The following TMIE variants were observed in gnomAD, a reference collection of about 807,000 sequenced individuals.
The protein encoded by TMIE is transmembrane inner ear expressed protein.
A neutral mutation model predicts 16.8 loss-of-function variants in TMIE; 14 were observed. The observed-to-expected ratio is 0.83, with a 90% CI of 0.55 to 1.30. The LOEUF (loss-of-function observed/expected upper bound fraction) is 1.30, where lower values mean the gene tolerates loss of function less well. Among genes scored for constraint, TMIE ranks in the 50% most tolerant of loss-of-function variants. TMIE has a pLI of 0.00. For synonymous variants in TMIE, 75 were observed against 87.2 expected, an observed-to-expected ratio of 0.86 and a Z score of 0.78; for missense variants, 204 against 205.9, an observed-to-expected ratio of 0.99 and a Z score of 0.06.
At position 46,709,592 on chromosome 3, in the gene TMIE, GA is replaced by G; in HGVS notation, c.377del (p.Lys126ArgfsTer16). 6.5e-7 allele frequency: 1 copy of G among 1,532,766 alleles called. No individual in the cohort carries two copies. The highest frequency in any genetic ancestry group is 8.9e-7 in the Non-Finnish European group (1 of 1,129,758). 94.9% of individuals were successfully genotyped at this position (1,532,766 alleles called of 1,614,324 possible). On this transcript the variant is annotated frameshift_variant, in exon 4 of 4. Coordinates refer to ENST00000643606, the MANE Select transcript of TMIE (RefSeq NM_147196.3). LOFTEE classifies it high-confidence loss of function. ...CCTGCCCCACAGAGGATAAGAAGAA[GA>G]AGAAGAAGAAGAAGAAGGACAGTGT... ...TEVPGEDKKK[K>X]KKKKKDSVDT...
chr3:46,695,619 C>G (rs1403554797), intron 1 of TMIE, among the ~76,000 whole-genome samples: 1 of 152,142 alleles, frequency 6.6e-6, no homozygotes. Flanking sequence ...CCACTTGTGA[C>G]GAACAGGGAC....
upstream of TMIE, among the ~76,000 whole-genome samples, chr3:46,699,268 C>G (rs1324907617): frequency 6.6e-6 from 1 of 152,006 alleles, no homozygotes; most frequent in East Asian, 1.9e-4. Context: ...GATGGGGTTT[C>G]TCCATGTTGG....
intron 1 of TMIE, among the ~76,000 whole-genome samples, chr3:46,705,585 T>C (rs1700541552): frequency 6.6e-6 from 1 of 152,166 alleles, no homozygotes; most frequent in South Asian, 2.1e-4. Context: ...CCCTCCCACT[T>C]CAAGTACCTG....
At chr3:46,704,335 AGGAACATGTCCCCTAGACACCCAAGGT>A (rs2106779681) in intron 1 of TMIE, among the ~76,000 whole-genome samples, 2 of 135,822 alleles carry the variant, frequency 1.5e-5, no homozygotes, top group South Asian at 2.6e-4. Flanking sequence ...CACCCAGGGC[AGGAACATGTCCCCTAGACACCCAAGGT>A]GGACCATGTC....
upstream of TMIE, among the ~76,000 whole-genome samples, chr3:46,698,554 T>C (rs1700430154): frequency 6.6e-6 from 1 of 152,130 alleles, no homozygotes; most frequent in South Asian, 2.1e-4. Flanking sequence ...CCCAAAGGTG[T>C]GAGCCACTGC....
upstream of TMIE, among the ~76,000 whole-genome samples, chr3:46,700,846 G>C (rs1700461085): frequency 6.6e-6 from 1 of 152,090 alleles, no homozygotes; most frequent in Non-Finnish European, 1.5e-5. Flanking sequence ...CTGTCCTGTG[G>C]GGCTGAAGAT....
At chr3:46,702,814 A>G (rs371530834) in intron 1 of TMIE, among the ~76,000 whole-genome samples, 69 of 152,254 alleles carry the variant, frequency 4.5e-4, no homozygotes, top group African/African-American at 9.4e-4. Flanking sequence ...AGGCTGGGCT[A>G]GAGTCAGGTG....
upstream of TMIE, among the ~76,000 whole-genome samples, chr3:46,700,299 C>T (rs1215264777): frequency 1.3e-5 from 2 of 152,304 alleles, no homozygotes; most frequent in Middle Eastern, 3.4e-3. Context: ...GGCAGGTGAC[C>T]GCAGGTGGCC....
At chr3:46,707,485 A>G (rs931427166) in intron 2 of TMIE, among the ~76,000 whole-genome samples, 3 of 151,992 alleles carry the variant, frequency 2.0e-5, no homozygotes, top group Non-Finnish European at 4.4e-5. Flanking sequence ...TCCTGGGGGG[A>G]AACATTTTTC....
rs1700483383 is a variant in TMIE, at chr3:46,701,990, C to T, written c.93+410C>T. ...TGGACCTCTAGTCTGATGGAACAGA[C>T]CCTGAATTTAGGGTCTTCTGGAGGC... On this transcript the variant is annotated intron_variant, in intron 1 of 3. Coordinates refer to ENST00000643606, the MANE Select transcript of TMIE (RefSeq NM_147196.3). The surrounding 1 kb of genome is among the most constrained non-coding windows in gnomAD (Gnocchi z 4.3). 6.6e-6 allele frequency among the ~76,000 whole-genome samples: 1 copy of T among 152,116 alleles called. No individual in the cohort carries two copies. Among genetic ancestry groups the T allele is most frequent in the African/African-American group, 2.4e-5 (1 of 41,444 alleles).
intron 1 of TMIE, among the ~76,000 whole-genome samples, chr3:46,703,543 C>T (rs1202215917): frequency 6.6e-6 from 1 of 152,180 alleles, no homozygotes; most frequent in African/African-American, 2.4e-5. Flanking sequence ...CACACATGTG[C>T]CCAACCTCAC....
chr3:46,700,646 C>T (rs1575467562), upstream of TMIE, among the ~76,000 whole-genome samples: 1 of 152,190 alleles, frequency 6.6e-6, no homozygotes, highest in Non-Finnish European at 1.5e-5. Context: ...CTCCTCAGAA[C>T]CTCCCTCTGT....
At chr3:46,704,050 C>T (rs1479317793) in intron 1 of TMIE, among the ~76,000 whole-genome samples, 1 of 152,146 alleles carries the variant, frequency 6.6e-6, no homozygotes, top group Non-Finnish European at 1.5e-5. Flanking sequence ...AGATCTTACT[C>T]AAATTCTACA....
chr3:46,700,288 T>C (rs1700454117), upstream of TMIE, among the ~76,000 whole-genome samples: 2 of 152,190 alleles, frequency 1.3e-5, no homozygotes, highest in Non-Finnish European at 2.9e-5. Flanking sequence ...GCCCTGACAC[T>C]GGCAGGTGAC....
chr3:46,708,379 C>A lies in TMIE; in HGVS notation c.212-747C>A, dbSNP rs544452153. On this transcript the variant is annotated intron_variant, in intron 2 of 3. Coordinates refer to ENST00000643606, the MANE Select transcript of TMIE (RefSeq NM_147196.3). ...GATTTATAATAGGAACCAGCTCCAT[C>A]CCCTCCTCTAGGGCTGGGGCCAAGG... Among the ~76,000 whole-genome samples the A allele has an allele frequency of 3.9e-5, 6 of 152,300 alleles. No individual in the cohort carries two copies. The South Asian group carries it at 1.2e-3, about 32-fold the overall frequency.
intron 3 of TMIE, 141 bp downstream of exon 3, chr3:46,709,416 A>G (rs1261232425): frequency 1.5e-5 from 24 of 1,599,180 alleles, no homozygotes; most frequent in Non-Finnish European, 2.1e-5. Flanking sequence ...GAGCACAGAA[A>G]TTGGTTGGCA....
At chr3:46,695,335 C>T (rs1306982381) in intron 1 of TMIE, among the ~76,000 whole-genome samples, 1 of 152,218 alleles carries the variant, frequency 6.6e-6, no homozygotes, top group African/African-American at 2.4e-5. Flanking sequence ...GTGCTGCTTT[C>T]CTCTTGCTGT....
At chr3:46,709,305 C>T (rs745788458) in intron 3 of TMIE, 30 bp downstream of exon 3, 33 of 1,613,272 alleles carry the variant, frequency 2.0e-5, no homozygotes, top group Middle Eastern at 1.6e-4. Flanking sequence ...AGCCCTGCTG[C>T]GCCAGCCAGT....
Position 46,709,766 on chromosome 3 carries a change from C to G in TMIE, c.*78C>G. 6.3e-7 allele frequency: 1 copy of G among 1,598,972 alleles called. No individual in the cohort carries two copies. The highest frequency in any genetic ancestry group is 1.1e-5 in the South Asian group (1 of 88,970). ...GGGTCCAGGCATGTTGGACTCTGAG[C>G]TCATTTGGGGACCACAGAGGCTGTG... On this transcript the variant is annotated 3_prime_UTR_variant, in exon 4 of 4. Coordinates refer to ENST00000643606, the MANE Select transcript of TMIE (RefSeq NM_147196.3).
Sources: allele counts gnomAD v4.1 joint callset (sites outside exome capture counted in the v4.1 genomes callset), GRCh38; gene constraint gnomAD v4.1.1; non-coding constraint Gnocchi (gnomAD v3.1); transcripts MANE v1.5; gene names NCBI Gene and HGNC (gene_info 2026-07-23, HGNC 2026-07-21).